Variants in SPATA13 observed in about 807,000 individuals in gnomAD.
SPATA13 encodes the protein spermatogenesis associated 13.
A neutral mutation model predicts 104.0 loss-of-function variants in SPATA13; 50 were observed. That is an observed-to-expected ratio of 0.48 (90% CI 0.38 to 0.61). The LOEUF is 0.61. Ranked by LOEUF, SPATA13 falls within the 20% of genes least tolerant of loss-of-function variation. The pLI, the probability that SPATA13 is intolerant of heterozygous loss-of-function variation, is 0.00. For missense variants in SPATA13, 1,524 were observed against 1,690.6 expected, an observed-to-expected ratio of 0.90 and a Z score of 1.73; for synonymous variants, 606 against 667.5, an observed-to-expected ratio of 0.91 and a Z score of 1.42.
chr13:24,246,272 T>G (rs1265813584), intron 2 of SPATA13, among the ~76,000 whole-genome samples: 1 of 152,248 alleles, frequency 6.6e-6, no homozygotes, highest in Non-Finnish European at 1.5e-5. Flanking sequence ...ATTCTCACTA[T>G]GTACTTAAGT....
At chr13:24,167,354 G>T (rs1882783199) in intron 1 of SPATA13, among the ~76,000 whole-genome samples, 1 of 152,188 alleles carries the variant, frequency 6.6e-6, no homozygotes, top group Admixed American at 6.5e-5. Flanking sequence ...CTCTCCTTTG[G>T]TCTGAGAGTT....
At chr13:24,114,608 G>A (rs986620238) in intron 3 of SPATA13, among the ~76,000 whole-genome samples, 3 of 151,696 alleles carry the variant, frequency 2.0e-5, no homozygotes, top group African/African-American at 4.8e-5. Flanking sequence ...TTTTATTTTC[G>A]AAGGAGCTCA....
upstream of SPATA13, among the ~76,000 whole-genome samples, chr13:24,160,539 T>A (rs1433669687): frequency 2.6e-5 from 4 of 152,110 alleles, no homozygotes. Flanking sequence ...CCACTGCGCC[T>A]GGCCGGGGAA....
At chr13:24,199,301 G>A (rs1292930520) in intron 1 of SPATA13, among the ~76,000 whole-genome samples, 1 of 152,132 alleles carries the variant, frequency 6.6e-6, no homozygotes, top group Non-Finnish European at 1.5e-5. Context: ...TGGGAAGCTG[G>A]GAAGACTGAA....
At chr13:24,290,170 G>C (rs1019284212) in intron 8 of SPATA13, among the ~76,000 whole-genome samples, 2 of 152,204 alleles carry the variant, frequency 1.3e-5, no homozygotes, top group Non-Finnish European at 2.9e-5. Flanking sequence ...GTCTTGGCGG[G>C]CCCAGCCAGG....
chr13:24,143,589 T>C (rs1881833189), intron 3 of SPATA13, among the ~76,000 whole-genome samples: 2 of 152,170 alleles, frequency 1.3e-5, no homozygotes, highest in East Asian at 3.9e-4. Context: ...AGTAGAAGTC[T>C]TTTTTTCCCA....
intron 3 of SPATA13, among the ~76,000 whole-genome samples, chr13:24,073,551 G>T (rs555820739): frequency 1.3e-5 from 2 of 152,330 alleles, no homozygotes; most frequent in East Asian, 3.9e-4. Flanking sequence ...AGGTGACATT[G>T]GTGCCGGTGG....
intron 4 of SPATA13, among the ~76,000 whole-genome samples, chr13:24,272,454 A>T (rs1428776142): frequency 6.6e-6 from 1 of 152,196 alleles, no homozygotes; most frequent in Non-Finnish European, 1.5e-5. Context: ...TAAAATGACA[A>T]CAAGCACCAT....
Position 24,161,225 on chromosome 13 carries a change from A to C in SPATA13, c.-112+293A>C, listed in dbSNP as rs1371436684. On this transcript the variant is annotated intron_variant, in intron 1 of 12. Coordinates refer to ENST00000382108, the MANE Select transcript of SPATA13 (RefSeq NM_001166271.3). The surrounding 1 kb of genome is among the most constrained non-coding windows in gnomAD (Gnocchi z 4.5). ...CTCGCAAAAGGCCGTTTCCAGCCGG[A>C]AGCCTGCAGGGAGGTCGCCTTGTAA... Among the ~76,000 whole-genome samples, 2 of 152,178 alleles carry C rather than the reference A, an allele frequency of 1.3e-5. No individual in the cohort carries two copies. The highest frequency in any genetic ancestry group is 3.9e-4 in the East Asian group (2 of 5,138).
In SPATA13 at chr13:24,161,704, C is replaced by T. The variant is rs1882502072; in HGVS notation, c.-112+772C>T. ...CCCTCCAAGTGCAGGAAAACCAAAC[C>T]AAAGCAAGCAAACAAAACCCTGTGG... On this transcript the variant is annotated intron_variant, in intron 1 of 12. Coordinates refer to ENST00000382108, the MANE Select transcript of SPATA13 (RefSeq NM_001166271.3). This position sits in a 1 kb window ranked among gnomAD's most constrained non-coding sequence, Gnocchi z 4.5. Among the ~76,000 whole-genome samples, 1 of 152,126 alleles carries T rather than the reference C, an allele frequency of 6.6e-6. No individual in the cohort carries two copies. Among genetic ancestry groups the T allele is most frequent in the African/African-American group, 2.4e-5 (1 of 41,430 alleles).
intron 3 of SPATA13, among the ~76,000 whole-genome samples, chr13:24,126,449 C>A (rs147759789): frequency 5.3e-5 from 8 of 152,274 alleles, no homozygotes; most frequent in African/African-American, 1.9e-4. Flanking sequence ...CCTTCATGTC[C>A]CTTAAAACCC....
rs141878113 is a variant in SPATA13, at chr13:24,228,580, A to G, written c.1653+3998A>G. On this transcript the variant is annotated intron_variant, in intron 2 of 12. Transcript: ENST00000382108. ...ATTTTGGCTTTGGGAAACAAAATAC[A>G]AACTAAGGGAAACAAACAGGAAAAG... Among the ~76,000 whole-genome samples, 915 of 152,338 alleles carry G rather than the reference A, an allele frequency of 6.0e-3. 11 individuals are homozygous for G. The highest frequency in any genetic ancestry group is 0.021 in the African/African-American group (881 of 41,580).
Position 24,258,251 on chromosome 13 carries a change from A to G in SPATA13, c.2164+6389A>G, listed in dbSNP as rs542713049. On this transcript the variant is annotated intron_variant, in intron 4 of 12. Transcript: ENST00000382108. The stretch of plus-strand genomic sequence containing the variant: ...ACTCTATCTCAAAAAAAAAAAAATA[A>G]AAAGAACTCTGGATTCTGCCTGTCA... Among the ~76,000 whole-genome samples the G allele has an allele frequency of 9.9e-5, 15 of 151,706 alleles. No individual in the cohort carries two copies. In the South Asian group the frequency reaches 3.1e-3, roughly 32 times the overall value.
intron 1 of SPATA13, among the ~76,000 whole-genome samples, chr13:24,193,423 C>T (rs1464170975): frequency 6.6e-6 from 1 of 152,152 alleles, no homozygotes; most frequent in Non-Finnish European, 1.5e-5. Flanking sequence ...TGAGCAGATG[C>T]CTCAGCGTGG....
intron 2 of SPATA13, among the ~76,000 whole-genome samples, chr13:23,994,562 T>C (rs902427177): frequency 6.6e-6 from 1 of 152,220 alleles, no homozygotes; most frequent in East Asian, 1.9e-4. Context: ...CCTCTAAGTG[T>C]TGGGTAGGTC....
intron 3 of SPATA13, among the ~76,000 whole-genome samples, chr13:24,024,933 CATATATATATAA>C (rs72310549): frequency 0.53 from 78,422 of 147,020 alleles, 21,135 homozygotes; most frequent in Middle Eastern, 0.57. Context: ...CATTCAAATT[CATATATATATAA>C]ATATATATAT....
At chr13:24,029,895 G>A (rs927509794) in intron 3 of SPATA13, among the ~76,000 whole-genome samples, 2 of 152,058 alleles carry the variant, frequency 1.3e-5, no homozygotes, top group African/African-American at 4.8e-5. Flanking sequence ...CTCTTCCTAA[G>A]TTAGTTTGCT....
chr13:24,255,333 T>A (rs2138670517), intron 4 of SPATA13, among the ~76,000 whole-genome samples: 1 of 152,232 alleles, frequency 6.6e-6, no homozygotes, highest in East Asian at 1.9e-4. Flanking sequence ...GTGAGGGCCC[T>A]CCCTTGTCTT....
At chr13:24,226,839 A>G (rs2138618788) in intron 2 of SPATA13, among the ~76,000 whole-genome samples, 1 of 152,320 alleles carries the variant, frequency 6.6e-6, no homozygotes, top group Non-Finnish European at 1.5e-5. Context: ...TTGTAGAAAG[A>G]CCTAGAAAGT....
Sources: gnomAD v4.1 joint callset for allele counts (sites outside exome capture counted in the v4.1 genomes callset) on GRCh38, gnomAD v4.1.1 for gene constraint, Gnocchi (gnomAD v3.1) non-coding constraint, MANE v1.5 for transcripts, NCBI Gene and HGNC (gene_info 2026-07-23, HGNC 2026-07-21) for gene names.